Variants in GNAS observed in about 807,000 individuals in gnomAD.
GNAS encodes the protein GNAS complex locus, also known as protein ALEX.
A neutral mutation model predicts 54.5 loss-of-function variants in GNAS; 8 were observed. The ratio of observed to expected loss-of-function variants is 0.15; its 90% CI spans 0.09 to 0.26. GNAS has a LOEUF of 0.26. Ranked by LOEUF, GNAS falls within the 10% of genes least tolerant of loss-of-function variation. The probability of loss-of-function intolerance (pLI) is 1.00; values close to 1 mark genes in which losing one functional copy is unlikely to be tolerated. For synonymous variants in GNAS, 204 were observed against 191.4 expected (o/e 1.07, Z -0.54); for missense variants, 170 against 529.8 (o/e 0.32, Z 6.67).
At chr20:58,897,489 T>C (rs2090172395) in intron 2 of GNAS, 2 of 152,256 alleles carry the variant, frequency 1.3e-5, no homozygotes, top group Non-Finnish European at 2.9e-5. Flanking sequence ...CAGCAGCCAC[T>C]GTTTACCTTA....
At chr20:58,862,729 G>A (rs569545229) in intron 1 of GNAS, among the ~76,000 whole-genome samples, 22 of 151,628 alleles carry the variant, frequency 1.5e-4, no homozygotes, top group Non-Finnish European at 2.4e-4. Flanking sequence ...AGCAGTAGAC[G>A]AATGCCACCT....
chr20:58,860,114 C>A (rs1486778419), intron 1 of GNAS, among the ~76,000 whole-genome samples: 1 of 152,190 alleles, frequency 6.6e-6, no homozygotes, highest in Non-Finnish European at 1.5e-5. Flanking sequence ...CTGCTACTTT[C>A]TGAATTATAG....
At chr20:58,855,561 AG>A (rs1205507718) in intron 1 of GNAS, 1 of 718,060 alleles carries the variant, frequency 1.4e-6, no homozygotes, top group Non-Finnish European at 2.6e-6. Context: ...CAGGGAGAAA[AG>A]TGGTGCCGAG....
At chr20:58,905,572 T>TGATG in intron 6 of GNAS, 92 bp downstream of exon 6, 1 of 797,232 alleles carries the variant, frequency 1.3e-6, no homozygotes, top group East Asian at 2.4e-5. Flanking sequence ...AGTTACTTGT[T>TGATG]GATGATTCCT....
Position 58,909,142 on chromosome 20 carries a change from T to C in GNAS, c.531-20T>C, listed in dbSNP as rs1229255058. 4 of 1,610,790 alleles carry C rather than the reference T, an allele frequency of 2.5e-6. No individual in the cohort carries two copies. Among genetic ancestry groups the C allele is most frequent in the East Asian group, 4.5e-5 (2 of 44,876 alleles). ...ATGTGAGCGCTGTGAACACCCCACG[T>C]GTCTTTCTTTTTCTCCCAGCTTCCT... On this transcript the variant is annotated intron_variant, in intron 6 of 12. Transcript: ENST00000371085. The surrounding 1 kb of genome is among the most constrained non-coding windows in gnomAD (Gnocchi z 7.3).
At chr20:58,881,514 G>A (rs959230797) in intron 1 of GNAS, among the ~76,000 whole-genome samples, 23 of 152,148 alleles carry the variant, frequency 1.5e-4, no homozygotes, top group Non-Finnish European at 2.8e-4. Flanking sequence ...ACCACGTGGA[G>A]ATAGCGCCGT....
chr20:58,845,551 A>G (rs147558786), intron 1 of GNAS, among the ~76,000 whole-genome samples: 21 of 152,260 alleles, frequency 1.4e-4, no homozygotes, highest in African/African-American at 3.4e-4. Context: ...AAACAAAAAA[A>G]TCTGGTTCTG....
In GNAS at chr20:58,841,885, A is replaced by C. The variant is rs541613069; in HGVS notation, c.43+999A>C. The C allele has an allele frequency of 6.3e-5, 78 of 1,231,442 alleles. No individual in the cohort carries two copies. In the South Asian group the frequency reaches 1.9e-3, roughly 30 times the overall value. 76.3% of individuals were successfully genotyped at this position (1,231,442 alleles called of 1,614,324 possible). ...CGTCGCAAGTGGAAAGGTAAAGCGG[A>C]ACAAGGGACAGGCTGGAGACGGGGG... On this transcript the variant is annotated intron_variant, in intron 1 of 12. Transcript: ENST00000306090. The surrounding 1 kb of genome is among the most constrained non-coding windows in gnomAD (Gnocchi z 5.0).
chr20:58,880,081 ACTCT>A (rs959840683), intron 1 of GNAS, among the ~76,000 whole-genome samples: 13 of 151,806 alleles, frequency 8.6e-5, no homozygotes, highest in African/African-American at 3.1e-4. Context: ...GCCAGTTTAG[ACTCT>A]CTTGGCTGGA....
intron 1 of GNAS, among the ~76,000 whole-genome samples, chr20:58,893,770 C>T (rs1377468183): frequency 3.9e-5 from 6 of 152,200 alleles, no homozygotes; most frequent in Non-Finnish European, 8.8e-5. Flanking sequence ...CTGGAAAAGT[C>T]TAGAATCTTT....
chr20:58,872,207 A>G (rs2087515103), intron 1 of GNAS, among the ~76,000 whole-genome samples: 1 of 152,166 alleles, frequency 6.6e-6, no homozygotes, highest in Non-Finnish European at 1.5e-5. Flanking sequence ...ACGATGGTCC[A>G]ATTTTTGTTT....
chr20:58,864,591 C>G (rs1017201631), intron 1 of GNAS, among the ~76,000 whole-genome samples: 4 of 152,084 alleles, frequency 2.6e-5, no homozygotes, highest in African/African-American at 9.7e-5. Flanking sequence ...GATGGTGAGA[C>G]AGTATAAGGC....
At chr20:58,898,894 C>T (rs1160086376) in intron 2 of GNAS, 47 bp from the exon 3 acceptor site, 1 of 1,520,608 alleles carries the variant, frequency 6.6e-7, no homozygotes, top group Non-Finnish European at 9.1e-7. Context: ...TTGTGTGACA[C>T]TGCGGTGCCT....
upstream of GNAS, chr20:58,889,109 G>C: frequency 8.7e-7 from 1 of 1,143,086 alleles, no homozygotes; most frequent in African/African-American, 1.7e-5. Flanking sequence ...CGCTGCTATG[G>C]GTCGGTCCTC....
chr20:58,841,707 G>A lies in GNAS; in HGVS notation c.43+821G>A. On this transcript the variant is annotated intron_variant, in intron 1 of 12. Coordinates refer to the GNAS transcript ENST00000306090. This position sits in a 1 kb window ranked among gnomAD's most constrained non-coding sequence, Gnocchi z 5.0. ...AGGAGGTAAGGGGACCCTTGGGGATGCCCCTACGGGCTACCAGGGTTGAAC... is the reference window on the plus strand; with the variant it reads ...AGGAGGTAAGGGGACCCTTGGGGATACCCCTACGGGCTACCAGGGTTGAAC... 8.2e-7 allele frequency: 1 copy of A among 1,213,860 alleles called. No individual in the cohort carries two copies. Among genetic ancestry groups the A allele is most frequent in the Non-Finnish European group, 1.0e-6 (1 of 976,700 alleles). The allele number at this position is 1,213,860 out of a possible 1,614,324, so 75.2% of individuals were successfully genotyped here. A position where few individuals can be genotyped will look rare whatever the true frequency, so the allele number is the denominator to read the frequency against.
At chr20:58,888,498 G>A (rs1600922255), upstream of GNAS, 1 of 152,300 alleles carries the variant, frequency 6.6e-6, no homozygotes, top group East Asian at 1.9e-4. Context: ...AGTTTTGAAA[G>A]AACCCTCAAA....
intron 1 of GNAS, among the ~76,000 whole-genome samples, chr20:58,866,934 G>C (rs1442442227): frequency 6.6e-6 from 1 of 152,130 alleles, no homozygotes; most frequent in South Asian, 2.1e-4. Flanking sequence ...GATTTCTTTA[G>C]GGGAAGGTGT....
In GNAS at chr20:58,894,969, T is replaced by C. The variant is rs186064249; in HGVS notation, c.140-643T>C. Among the ~76,000 whole-genome samples, 21 of 152,304 alleles carry C rather than the reference T, an allele frequency of 1.4e-4. No individual in the cohort carries two copies. In the East Asian group the frequency reaches 3.7e-3, roughly 27 times the overall value. ...GAGGGAATTTATCTTTAGAAAGATA[T>C]AGTTTGTGAGGAAAGAGGAGGATGG... is the stretch of plus-strand genomic sequence containing the variant. On this transcript the variant is annotated intron_variant, in intron 1 of 12. Transcript: ENST00000371085.
upstream of GNAS, among the ~76,000 whole-genome samples, chr20:58,887,223 C>CCT (rs2088651863): frequency 6.6e-6 from 1 of 152,192 alleles, no homozygotes; most frequent in Non-Finnish European, 1.5e-5. Flanking sequence ...TTACCTTGTA[C>CCT]CTCTTAAAGA....
Sources: allele counts gnomAD v4.1 joint callset (sites outside exome capture counted in the v4.1 genomes callset), GRCh38; gene constraint gnomAD v4.1.1; non-coding constraint Gnocchi (gnomAD v3.1); transcripts MANE v1.5; gene names NCBI Gene and HGNC (gene_info 2026-07-23, HGNC 2026-07-21).